SOX5: variants seen among roughly 807,000 people sequenced by gnomAD.
SOX5 encodes the protein SRY-box transcription factor 5.
A neutral mutation model predicts 92.0 loss-of-function variants in SOX5; 9 were observed. The observed-to-expected ratio is 0.10, with a 90% CI of 0.06 to 0.17. The LOEUF is 0.17. Among genes scored for constraint, SOX5 ranks in the 10% least tolerant of loss-of-function variants. The probability of loss-of-function intolerance (pLI) is 1.00; values close to 1 mark genes in which losing one functional copy is unlikely to be tolerated. For synonymous variants in SOX5, 344 were observed against 336.3 expected, an observed-to-expected ratio of 1.02 and a Z score of -0.25; for missense variants, 642 against 944.5, an observed-to-expected ratio of 0.68 and a Z score of 4.20.
At chr12:23,677,211 G>C (rs1240957956) in intron 6 of SOX5, among the ~76,000 whole-genome samples, 2 of 152,042 alleles carry the variant, frequency 1.3e-5, no homozygotes, top group Admixed American at 6.6e-5. Flanking sequence ...CTGCTCCTCA[G>C]ATCCTAGTTT....
intron 1 of SOX5, among the ~76,000 whole-genome samples, chr12:24,538,265 T>C (rs536106030): frequency 5.9e-5 from 9 of 152,304 alleles, no homozygotes; most frequent in African/African-American, 2.2e-4. Flanking sequence ...GTGGCTGTTC[T>C]TAAGGGAAAG....
chr12:24,030,765 A>G (rs1955414706), intron 4 of SOX5, among the ~76,000 whole-genome samples: 1 of 152,052 alleles, frequency 6.6e-6, no homozygotes, highest in African/African-American at 2.4e-5. Flanking sequence ...AACCTATGGA[A>G]TGAGAGACAA....
chr12:23,989,431 T>C (rs1467893589), intron 4 of SOX5, among the ~76,000 whole-genome samples: 1 of 151,976 alleles, frequency 6.6e-6, no homozygotes, highest in Non-Finnish European at 1.5e-5. Context: ...AATAGACTTT[T>C]AGTATGATTG....
intron 2 of SOX5, among the ~76,000 whole-genome samples, chr12:24,324,389 C>T (rs1215000999): frequency 5.3e-5 from 8 of 152,008 alleles, no homozygotes; most frequent in Non-Finnish European, 1.2e-4. Flanking sequence ...TCTGATCAGA[C>T]GTCTGTCAAA....
chr12:24,060,661 G>A lies in SOX5; in HGVS notation c.-2+152682C>T, dbSNP rs140689550. On this transcript the variant is annotated intron_variant, in intron 4 of 4. Transcript: ENST00000446891. The stretch of plus-strand genomic sequence containing the variant: ...GGACCATACCCTAGCCAAAGAGCAC[G>A]TCATCTTCTCAGCCTCGAGGATGGG... 1.8e-4 allele frequency among the ~76,000 whole-genome samples: 27 copies of A among 152,242 alleles called. No individual in the cohort carries two copies. In the East Asian group the frequency reaches 4.8e-3, roughly 27 times the overall value.
chr12:23,535,575 C>T (rs545598194), intron 14 of SOX5, among the ~76,000 whole-genome samples: 4 of 152,206 alleles, frequency 2.6e-5, no homozygotes, highest in Admixed American at 6.5e-5. Flanking sequence ...TTTATTCATT[C>T]GTATGTTTAC....
chr12:23,802,786 C>T (rs191503275), intron 3 of SOX5, among the ~76,000 whole-genome samples: 19 of 152,266 alleles, frequency 1.2e-4, no homozygotes, highest in East Asian at 7.7e-4. Context: ...ATACCCCATA[C>T]GTAATTATCT....
At chr12:23,539,278 G>A (rs965035426) in intron 13 of SOX5, among the ~76,000 whole-genome samples, 19 of 152,120 alleles carry the variant, frequency 1.2e-4, no homozygotes, top group Non-Finnish European at 2.9e-5. Context: ...ACATAATGTT[G>A]CATTCATTCC....
intron 3 of SOX5, among the ~76,000 whole-genome samples, chr12:24,252,407 GTAGCCTTAAGCACATGTAACT>G (rs1940270554): frequency 6.6e-6 from 1 of 151,956 alleles, no homozygotes. Flanking sequence ...CAGGTAATTG[GTAGCCTTAAGCACATGTAACT>G]TACAATCACT....
intron 6 of SOX5, among the ~76,000 whole-genome samples, chr12:23,672,363 T>C (rs7970223): frequency 0.86 from 131,451 of 152,176 alleles, 56,872 homozygotes; most frequent in East Asian, 1. Context: ...GGAACAGACC[T>C]ACAAGGAAAA....
intron 9 of SOX5, among the ~76,000 whole-genome samples, chr12:23,599,170 C>T (rs898761470): frequency 4.6e-5 from 7 of 152,280 alleles, no homozygotes; most frequent in East Asian, 3.9e-4. Context: ...GGTACCACAT[C>T]GGGCAAAATC....
chr12:24,511,311 T>C (rs551212595), intron 1 of SOX5, among the ~76,000 whole-genome samples: 55 of 152,348 alleles, frequency 3.6e-4, no homozygotes, highest in Non-Finnish European at 6.2e-4. Flanking sequence ...AGTGTGGTAA[T>C]GTGTTCATCT....
intron 6 of SOX5, among the ~76,000 whole-genome samples, chr12:23,674,345 T>TTTTTTTTC (rs1390263440): frequency 7.3e-6 from 1 of 136,282 alleles, no homozygotes; most frequent in Admixed American, 7.6e-5. Flanking sequence ...AATTTTTTTT[T>TTTTTTTTC]TTTTTTTTTG....
chr12:23,563,202 A>G, intron 11 of SOX5, 56 bp downstream of exon 11: 1 of 1,358,890 alleles, frequency 7.4e-7, no homozygotes, highest in Non-Finnish European at 1.0e-6. Flanking sequence ...TTTTTAAAAA[A>G]GCATTAGGCA....
intron 9 of SOX5, among the ~76,000 whole-genome samples, chr12:23,600,736 G>A (rs2137409610): frequency 1.3e-5 from 2 of 151,734 alleles, no homozygotes; most frequent in South Asian, 4.2e-4. Flanking sequence ...TTCTTTTTGT[G>A]TTTTCACATT....
At position 23,919,124 on chromosome 12, in the gene SOX5, G is replaced by T. The variant is rs1183053172; in HGVS notation, c.39-23100C>A. On this transcript the variant is annotated intron_variant, in intron 1 of 14. Coordinates refer to ENST00000451604, the MANE Select transcript of SOX5 (RefSeq NM_006940.6). ...GCAAATGCCTGCATTGTGCATGTGT[G>T]TGTTTGGGGTGGTGGGGAGGTTTAA... is the stretch of plus-strand genomic sequence containing the variant. Among the ~76,000 whole-genome samples, 5 of 152,136 alleles carry T rather than the reference G, an allele frequency of 3.3e-5. No individual in the cohort carries two copies. In the East Asian group the frequency reaches 9.6e-4, roughly 29 times the overall value.
At chr12:23,849,236 C>T (rs906509637) in intron 2 of SOX5, among the ~76,000 whole-genome samples, 2 of 152,100 alleles carry the variant, frequency 1.3e-5, no homozygotes, top group Non-Finnish European at 2.9e-5. Flanking sequence ...TGTTATTATG[C>T]TTACTTATTG....
chr12:24,073,188 T>C (rs1233552908), intron 4 of SOX5, among the ~76,000 whole-genome samples: 1 of 152,176 alleles, frequency 6.6e-6, no homozygotes, highest in African/African-American at 2.4e-5. Flanking sequence ...TCATCAAGGA[T>C]TGTAATATTT....
At chr12:23,831,677 T>C (rs2096324570) in intron 3 of SOX5, among the ~76,000 whole-genome samples, 1 of 151,986 alleles carries the variant, frequency 6.6e-6, no homozygotes, top group Non-Finnish European at 1.5e-5. Flanking sequence ...CTAGGTAAGT[T>C]TGGTAATAAG....
Sources: allele counts gnomAD v4.1 joint callset (sites outside exome capture counted in the v4.1 genomes callset), GRCh38; gene constraint gnomAD v4.1.1; transcripts MANE v1.5; gene names NCBI Gene and HGNC (gene_info 2026-07-23, HGNC 2026-07-21).